Variants in ZNF804B observed in about 807,000 individuals in gnomAD.
The protein encoded by ZNF804B is zinc finger 804B.
Under a neutral mutation model 101.4 loss-of-function variants are expected in ZNF804B, and 80 were observed. The observed-to-expected ratio is 0.79, with a 90% CI of 0.66 to 0.95. ZNF804B has a LOEUF of 0.95. Ranked by LOEUF, ZNF804B falls within the 40% of genes least tolerant of loss-of-function variation. ZNF804B has a pLI of 0.00. For synonymous variants in ZNF804B, 622 were observed against 558.8 expected, an observed-to-expected ratio of 1.11 and a Z score of -1.59; for missense variants, 1,673 against 1,561.9, an observed-to-expected ratio of 1.07 and a Z score of -1.20.
chr7:89,119,474 A>G (rs1790365758), intron 1 of ZNF804B, among the ~76,000 whole-genome samples: 1 of 152,222 alleles, frequency 6.6e-6, no homozygotes, highest in Non-Finnish European at 1.5e-5. Flanking sequence ...CCTATGAAGT[A>G]TGAGATATTG....
At chr7:88,846,902 A>G (rs1236060669) in intron 1 of ZNF804B, among the ~76,000 whole-genome samples, 1 of 147,882 alleles carries the variant, frequency 6.8e-6, no homozygotes, top group Non-Finnish European at 1.5e-5. Context: ...TTTTATATGT[A>G]ATTATATACA....
chr7:88,927,227 A>T (rs1287987426), intron 1 of ZNF804B, among the ~76,000 whole-genome samples: 1 of 152,152 alleles, frequency 6.6e-6, no homozygotes, highest in Non-Finnish European at 1.5e-5. Flanking sequence ...TTTAGAATAA[A>T]ATACTGTTAA....
At chr7:88,769,699 A>C (rs938686616) in intron 1 of ZNF804B, among the ~76,000 whole-genome samples, 3 of 152,228 alleles carry the variant, frequency 2.0e-5, no homozygotes, top group Non-Finnish European at 4.4e-5. Flanking sequence ...AAAGAGAGAC[A>C]ATAATTCCCT....
At chr7:88,763,793 C>T (rs905276170) in intron 1 of ZNF804B, among the ~76,000 whole-genome samples, 1 of 151,912 alleles carries the variant, frequency 6.6e-6, no homozygotes, top group Admixed American at 6.6e-5. Context: ...ATACACATTG[C>T]TATCTGTGCT....
At chr7:88,946,564 T>G (rs1793133078) in intron 1 of ZNF804B, among the ~76,000 whole-genome samples, 1 of 151,414 alleles carries the variant, frequency 6.6e-6, no homozygotes, top group Non-Finnish European at 1.5e-5. Context: ...CTTTTTTTTT[T>G]TTTTTTGTTT....
At chr7:89,256,973 A>G (rs1789640626) in intron 2 of ZNF804B, among the ~76,000 whole-genome samples, 1 of 152,202 alleles carries the variant, frequency 6.6e-6, no homozygotes, top group South Asian at 2.1e-4. Flanking sequence ...TATAAGAATT[A>G]AAACTTTTTT....
intron 2 of ZNF804B, among the ~76,000 whole-genome samples, chr7:89,298,422 T>C (rs1790425950): frequency 1.3e-5 from 2 of 150,000 alleles, no homozygotes; most frequent in Non-Finnish European, 3.0e-5. Flanking sequence ...TGGTGTGTGA[T>C]GTTCCCTCTA....
intron 1 of ZNF804B, among the ~76,000 whole-genome samples, chr7:88,888,876 A>C (rs1160402261): frequency 1.3e-5 from 2 of 152,104 alleles, no homozygotes; most frequent in East Asian, 3.9e-4. Flanking sequence ...GGTTTGGGTT[A>C]CAATTGATTG....
intron 1 of ZNF804B, among the ~76,000 whole-genome samples, chr7:88,992,286 A>T (rs755860268): frequency 4.6e-5 from 7 of 152,088 alleles, no homozygotes; most frequent in Non-Finnish European, 7.4e-5. Flanking sequence ...TTGCTTGTCA[A>T]TTTCTCCTAC....
chr7:89,226,986 C>A lies in ZNF804B; in HGVS notation c.249+8691C>A, dbSNP rs112362047. ...CCTTACACATATATAGTAAAGGCCTCCGTCTTTCTGCTCCAATCCTGACAA... is the reference window on the plus strand; with the variant it reads ...CCTTACACATATATAGTAAAGGCCTACGTCTTTCTGCTCCAATCCTGACAA... On this transcript the variant is annotated intron_variant, in intron 2 of 3. Coordinates refer to ENST00000333190, the MANE Select transcript of ZNF804B (RefSeq NM_181646.5). Among the ~76,000 whole-genome samples the A allele has an allele frequency of 2.6e-3, 394 of 152,256 alleles. 3 individuals carry two copies. Among genetic ancestry groups the A allele is most frequent in the African/African-American group, 9.2e-3 (381 of 41,554 alleles).
intron 1 of ZNF804B, among the ~76,000 whole-genome samples, chr7:88,892,273 T>C (rs1792225044): frequency 6.6e-6 from 1 of 152,188 alleles, no homozygotes; most frequent in African/African-American, 2.4e-5. Context: ...TATTTTTCTT[T>C]ATTCTTGAAG....
At chr7:89,116,739 A>G (rs1790317552) in intron 1 of ZNF804B, among the ~76,000 whole-genome samples, 2 of 152,316 alleles carry the variant, frequency 1.3e-5, no homozygotes, top group South Asian at 4.1e-4. Flanking sequence ...TTCCTCTAGC[A>G]ACTACATTTC....
intron 1 of ZNF804B, among the ~76,000 whole-genome samples, chr7:88,955,256 A>G (rs1793287977): frequency 6.6e-6 from 1 of 151,632 alleles, no homozygotes. Flanking sequence ...TTTTTAAAGG[A>G]TATTCCATAT....
chr7:89,004,178 A>G (rs1328407351), intron 1 of ZNF804B, among the ~76,000 whole-genome samples: 2 of 151,840 alleles, frequency 1.3e-5, no homozygotes. Flanking sequence ...TCAAAAAAGC[A>G]AATCAATGAA....
At chr7:89,082,605 C>A (rs1448281327) in intron 1 of ZNF804B, among the ~76,000 whole-genome samples, 3 of 151,684 alleles carry the variant, frequency 2.0e-5, no homozygotes, top group African/African-American at 7.3e-5. Context: ...CTTTGAAATG[C>A]CATCTATCAC....
chr7:88,847,957 C>T (rs558742771), intron 1 of ZNF804B, among the ~76,000 whole-genome samples: 2 of 152,242 alleles, frequency 1.3e-5, no homozygotes, highest in East Asian at 3.9e-4. Context: ...GATTCACAGA[C>T]ATGAATCAGC....
At chr7:89,019,821 C>T (rs966409812) in intron 1 of ZNF804B, among the ~76,000 whole-genome samples, 4 of 151,936 alleles carry the variant, frequency 2.6e-5, no homozygotes, top group South Asian at 2.1e-4. Context: ...ATATGTTTTT[C>T]CATAACTTCA....
At chr7:89,201,384 A>T (rs1788634169) in intron 1 of ZNF804B, among the ~76,000 whole-genome samples, 1 of 152,080 alleles carries the variant, frequency 6.6e-6, no homozygotes, top group Non-Finnish European at 1.5e-5. Flanking sequence ...TGAACTCAGG[A>T]CATACAAAAT....
At position 89,336,405 on chromosome 7, in the gene ZNF804B, C is replaced by G. The variant is rs778183867; in HGVS notation, c.3423C>G (p.Pro1141=). The stretch of plus-strand genomic sequence containing the variant: ...AAATGTGTCATAAATCTATCTCTCC[C>G]CCTTTAATTCAACAGCCCATAACAT... ...GLEMCHKSIS[P]PLIQQPITFS... The change falls in exon 4 of 4, where the codon CCC becomes CCG. Residue 1141 remains proline, a synonymous_variant. Transcript: ENST00000333190. The G allele has an allele frequency of 3.7e-6, 6 of 1,613,942 alleles. No homozygotes were observed. The Admixed American group carries it at 5.0e-5, about 13-fold the overall frequency.
Sources: gnomAD v4.1 joint callset for allele counts (sites outside exome capture counted in the v4.1 genomes callset) on GRCh38, gnomAD v4.1.1 for gene constraint, MANE v1.5 for transcripts, NCBI Gene and HGNC (gene_info 2026-07-23, HGNC 2026-07-21) for gene names.